KIAA0825: variants seen among roughly 807,000 people sequenced by gnomAD.
KIAA0825 encodes the protein uncharacterized protein KIAA0825.
Under a neutral mutation model 147.6 loss-of-function variants are expected in KIAA0825, and 119 were observed. The observed-to-expected ratio is 0.81, with a 90% CI of 0.69 to 0.94. The LOEUF is 0.94. Among genes scored for constraint, KIAA0825 ranks in the 40% least tolerant of loss-of-function variants. The pLI is 0.00. For synonymous variants in KIAA0825, 470 were observed against 518.1 expected, an observed-to-expected ratio of 0.91 and a Z score of 1.26; for missense variants, 1,381 against 1,472.7, an observed-to-expected ratio of 0.94 and a Z score of 1.02.
chr5:94,550,612 G>T (rs975132418), intron 2 of KIAA0825, among the ~76,000 whole-genome samples: 7 of 152,172 alleles, frequency 4.6e-5, no homozygotes, highest in Non-Finnish European at 8.8e-5. Context: ...GGAGGCCGAG[G>T]CAGGCGGATC....
intron 13 of KIAA0825, among the ~76,000 whole-genome samples, chr5:94,443,709 A>T (rs1757393329): frequency 6.6e-6 from 1 of 152,168 alleles, no homozygotes; most frequent in African/African-American, 2.4e-5. Flanking sequence ...TACTTTCTTC[A>T]ATTTTTTGGT....
At chr5:94,163,771 G>A (rs931461756) in intron 20 of KIAA0825, among the ~76,000 whole-genome samples, 2 of 152,018 alleles carry the variant, frequency 1.3e-5, no homozygotes, top group African/African-American at 4.8e-5. Context: ...TATCTTTCAT[G>A]ACTCAGACAA....
chr5:94,264,793 T>G (rs1411012752), intron 20 of KIAA0825, among the ~76,000 whole-genome samples: 2 of 151,802 alleles, frequency 1.3e-5, no homozygotes, highest in Non-Finnish European at 2.9e-5. Context: ...ATACTTTTTT[T>G]TTTTTTTTTG....
intron 12 of KIAA0825, among the ~76,000 whole-genome samples, chr5:94,457,554 G>C (rs1028823768): frequency 6.6e-6 from 1 of 152,128 alleles, no homozygotes; most frequent in Non-Finnish European, 1.5e-5. Context: ...CGTTAGCATC[G>C]TAGGGCCTCT....
At chr5:94,416,981 C>T (rs1439768955) in intron 15 of KIAA0825, 1 of 398,054 alleles carries the variant, frequency 2.5e-6, no homozygotes, top group African/African-American at 2.0e-5. Flanking sequence ...AATCTTTTCC[C>T]TTCCACCTCC....
At chr5:94,287,838 T>C (rs1460465740) in intron 20 of KIAA0825, among the ~76,000 whole-genome samples, 1 of 152,166 alleles carries the variant, frequency 6.6e-6, no homozygotes, top group Admixed American at 6.5e-5. Context: ...GTCACAAGGC[T>C]GGCTGGTAAC....
chr5:94,618,093 C>A (rs1000992553), intron 1 of KIAA0825: 1 of 152,448 alleles, frequency 6.6e-6, no homozygotes, highest in South Asian at 2.1e-4. Flanking sequence ...CTTCAGCCAA[C>A]CTCCTGCCTT....
intron 20 of KIAA0825, among the ~76,000 whole-genome samples, chr5:94,328,462 G>A (rs967942366): frequency 3.3e-5 from 5 of 151,798 alleles, no homozygotes; most frequent in Non-Finnish European, 7.4e-5. Context: ...GAACAATAAA[G>A]TGAATAGAGA....
At chr5:94,574,584 A>T (rs995723746) in intron 2 of KIAA0825, among the ~76,000 whole-genome samples, 3 of 151,428 alleles carry the variant, frequency 2.0e-5, no homozygotes, top group Non-Finnish European at 4.4e-5. Context: ...AAGAAAGGAC[A>T]TAAGAAGTCC....
chr5:94,168,816 A>C (rs1283124464), intron 20 of KIAA0825, among the ~76,000 whole-genome samples: 2 of 152,196 alleles, frequency 1.3e-5, no homozygotes, highest in Non-Finnish European at 2.9e-5. Context: ...TCAAAAGAAA[A>C]GGTGTATTTT....
intron 1 of KIAA0825, chr5:94,593,722 T>TATA (rs1307371227): frequency 2.6e-6 from 1 of 381,652 alleles, no homozygotes; most frequent in Non-Finnish European, 5.2e-6. Flanking sequence ...TTTGGATAAC[T>TATA]ATAAACAATT....
intron 5 of KIAA0825, among the ~76,000 whole-genome samples, chr5:94,507,640 A>G (rs897149472): frequency 5.3e-5 from 8 of 151,974 alleles, no homozygotes; most frequent in African/African-American, 1.7e-4. Flanking sequence ...CTCAAATTTT[A>G]TTTGTGGTTT....
chr5:94,371,474 T>TA (rs571353515), intron 20 of KIAA0825, among the ~76,000 whole-genome samples: 55 of 152,292 alleles, frequency 3.6e-4, no homozygotes, highest in Non-Finnish European at 7.1e-4. Flanking sequence ...TCAGGAAACT[T>TA]ACAATCATGA....
Position 94,484,100 on chromosome 5 carries a change from A to C in KIAA0825, c.1132+669T>G, listed in dbSNP as rs372899594. 2.6e-5 allele frequency among the ~76,000 whole-genome samples: 4 copies of C among 151,866 alleles called. No homozygotes were observed. The East Asian group carries it at 7.7e-4, about 29-fold the overall frequency. On this transcript the variant is annotated intron_variant, in intron 6 of 20. Transcript: ENST00000682413. Reference sequence around the variant, plus strand: ...TTTGAATTTTACCTTTAATGTTGGAAATATTATTCAGTACACACAGCATGG... The same window carrying C: ...TTTGAATTTTACCTTTAATGTTGGACATATTATTCAGTACACACAGCATGG...
intron 20 of KIAA0825, among the ~76,000 whole-genome samples, chr5:94,237,688 C>T (rs1202390206): frequency 6.6e-6 from 1 of 152,264 alleles, no homozygotes; most frequent in East Asian, 1.9e-4. Context: ...CTTAAGGCTC[C>T]TTATGCTCTT....
At chr5:94,336,027 CAGG>C (rs539188880) in intron 20 of KIAA0825, among the ~76,000 whole-genome samples, 160 of 152,016 alleles carry the variant, frequency 1.1e-3, no homozygotes, top group African/African-American at 3.4e-3. Context: ...CTACAGTTTC[CAGG>C]AGAATTATCT....
chr5:94,158,135 A>G (rs947623091), intron 20 of KIAA0825, among the ~76,000 whole-genome samples: 5 of 152,164 alleles, frequency 3.3e-5, no homozygotes, highest in Admixed American at 3.3e-4. Context: ...ACCCCAGGCA[A>G]GTTTTTTAAC....
At chr5:94,303,459 A>G (rs1778531164) in intron 20 of KIAA0825, among the ~76,000 whole-genome samples, 1 of 152,104 alleles carries the variant, frequency 6.6e-6, no homozygotes, top group Non-Finnish European at 1.5e-5. Context: ...TGCTAGCTCT[A>G]ATATCAGTGT....
At chr5:94,579,824 C>T (rs987834096) in intron 2 of KIAA0825, among the ~76,000 whole-genome samples, 3 of 152,090 alleles carry the variant, frequency 2.0e-5, no homozygotes, top group Non-Finnish European at 4.4e-5. Flanking sequence ...TTAATAGCAA[C>T]AATAACAATG....
Sources: gnomAD v4.1 joint callset for allele counts (sites outside exome capture counted in the v4.1 genomes callset) on GRCh38, gnomAD v4.1.1 for gene constraint, MANE v1.5 for transcripts, NCBI Gene and HGNC (gene_info 2026-07-23, HGNC 2026-07-21) for gene names.